Variants in ZBED6 observed in about 807,000 individuals in gnomAD.
ZBED6 encodes the protein zinc finger BED domain-containing protein 6.
In ZBED6, 40 loss-of-function variants were observed where a neutral mutation model predicts 58.4. That is an observed-to-expected ratio of 0.68 (90% CI 0.53 to 0.89). ZBED6 has a LOEUF of 0.89. Among genes scored for constraint, ZBED6 ranks in the 40% least tolerant of loss-of-function variants. The pLI, the probability that ZBED6 is intolerant of heterozygous loss-of-function variation, is 0.00. For synonymous variants in ZBED6, 439 were observed against 350.6 expected (o/e 1.25, Z -2.82); for missense variants, 1,057 against 1,003.9 (o/e 1.05, Z -0.71).
At chr1:203,815,630 C>T (rs1318561963) in intron 1 of ZBED6, among the ~76,000 whole-genome samples, 2 of 152,108 alleles carry the variant, frequency 1.3e-5, no homozygotes, top group Non-Finnish European at 2.9e-5. Flanking sequence ...GGTATGTAAA[C>T]TTTAAACATT....
At chr1:203,796,161 T>C in exon 1 of ZBED6, 1 of 314,970 alleles carries the variant, frequency 3.2e-6, no homozygotes, top group Non-Finnish European at 5.8e-6. Context: ...TTCCCCCGAA[T>C]CCCGAAGAGA....
chr1:203,805,491 TAGAAG>T, intron 1 of ZBED6: 5 of 428,380 alleles, frequency 1.2e-5, no homozygotes, highest in Non-Finnish European at 2.3e-5. Context: ...AGGAAAAAAA[TAGAAG>T]AGCAATGTAA....
rs1287424232 is a variant in ZBED6, at chr1:203,797,769, A to G, written c.247A>G (p.Lys83Glu). ...GCGTCGAAAAAAATTGATTCTTGCC[A>G]AAAAGTTTAGTAAGGATTTGGGATC... Residue 83 changes from lysine (K) to glutamate (E), a missense_variant, in exon 1 of 17, where the codon AAA becomes GAA. By Grantham distance (56) the Lys-to-Glu change is moderately conservative (BLOSUM62 1). Transcript: ENST00000550078. 12 of 1,535,678 alleles carry G rather than the reference A, an allele frequency of 7.8e-6. No individual in the cohort carries two copies. Among genetic ancestry groups the G allele is most frequent in the African/African-American group, 4.1e-5 (3 of 73,048 alleles).
At chr1:203,819,119 CGTGTATATAT>C (rs1677436650) in intron 3 of ZBED6, among the ~76,000 whole-genome samples, 2 of 141,064 alleles carry the variant, frequency 1.4e-5, no homozygotes, top group African/African-American at 5.5e-5. Context: ...CACACACACA[CGTGTATATAT>C]ACATATGTAT....
At chr1:203,820,217 A>G (rs1678059989) in intron 3 of ZBED6, among the ~76,000 whole-genome samples, 1 of 150,724 alleles carries the variant, frequency 6.6e-6, no homozygotes, top group Non-Finnish European at 1.5e-5. Flanking sequence ...CCTGGGTGAC[A>G]GGGCGAGACT....
intron 1 of ZBED6, among the ~76,000 whole-genome samples, chr1:203,811,247 G>A (rs926204292): frequency 1.4e-4 from 21 of 152,122 alleles, no homozygotes; most frequent in African/African-American, 4.6e-4. Flanking sequence ...GGTGGAGGTT[G>A]CAGTCAGCTG....
intron 16 of ZBED6, 114 bp downstream of exon 16, chr1:203,851,238 T>C: frequency 1.1e-6 from 1 of 909,228 alleles, no homozygotes; most frequent in East Asian, 2.6e-5. Flanking sequence ...TCTGTTGCAC[T>C]TCAAATTAAT....
exon 1 of ZBED6, chr1:203,801,155 T>C (rs1025263089): frequency 3.9e-5 from 6 of 152,302 alleles, no homozygotes; most frequent in African/African-American, 1.2e-4. Context: ...TTTCAAATAA[T>C]TTATGGGTAA....
At chr1:203,848,521 C>T in intron 13 of ZBED6, 114 bp downstream of exon 13, 1 of 720,150 alleles carries the variant, frequency 1.4e-6, no homozygotes, top group South Asian at 2.0e-5. Context: ...GGTAAACAGT[C>T]TTTCTTTTTA....
exon 1 of ZBED6, chr1:203,798,948 C>G (rs1449858384): frequency 6.5e-7 from 1 of 1,536,040 alleles, no homozygotes; most frequent in Admixed American, 2.0e-5. Context: ...AGAGAATGTT[C>G]AAAGCCAAAA....
intron 3 of ZBED6, 32 bp from the exon 4 acceptor site, chr1:203,828,267 A>G: frequency 6.2e-7 from 1 of 1,613,280 alleles, no homozygotes; most frequent in Non-Finnish European, 8.5e-7. Flanking sequence ...TCACTGTTTT[A>G]TTTGAAAGCA....
chr1:203,797,348 G>A (rs1668886477), exon 1 of ZBED6: 1 of 571,864 alleles, frequency 1.7e-6, no homozygotes, highest in Non-Finnish European at 2.9e-6. Context: ...GTTCTCCATT[G>A]CTGTCAGTTT....
chr1:203,826,326 C>T (rs1185039700), intron 3 of ZBED6, among the ~76,000 whole-genome samples: 2 of 150,902 alleles, frequency 1.3e-5, no homozygotes, highest in Non-Finnish European at 3.0e-5. Flanking sequence ...AAATATTATA[C>T]TTTTAGAAAA....
intron 11 of ZBED6, among the ~76,000 whole-genome samples, chr1:203,844,051 T>G (rs961000620): frequency 4.6e-5 from 7 of 152,260 alleles, no homozygotes; most frequent in Admixed American, 3.9e-4. Flanking sequence ...GAAACGGGGC[T>G]TCTCCATGTT....
At chr1:203,818,773 T>TA in intron 3 of ZBED6, 84 bp downstream of exon 3, 1 of 1,595,936 alleles carries the variant, frequency 6.3e-7, no homozygotes, top group Admixed American at 1.7e-5. Context: ...AAGTGACTTT[T>TA]AAAAAATATA....
chr1:203,836,699 C>A (rs1376654238), intron 9 of ZBED6, among the ~76,000 whole-genome samples: 1 of 152,182 alleles, frequency 6.6e-6, no homozygotes, highest in Non-Finnish European at 1.5e-5. Context: ...TCGCTTGAAC[C>A]CGGGAGGTGG....
At chr1:203,852,111 A>T in intron 16 of ZBED6, 30 bp from the exon 17 acceptor site, 1 of 1,611,846 alleles carries the variant, frequency 6.2e-7, no homozygotes, top group Non-Finnish European at 8.5e-7. Context: ...TTAAAACGGC[A>T]GTTTTCTAAT....
At chr1:203,820,974 T>A (rs999731501) in intron 3 of ZBED6, among the ~76,000 whole-genome samples, 1 of 152,146 alleles carries the variant, frequency 6.6e-6, no homozygotes, top group Non-Finnish European at 1.5e-5. Flanking sequence ...AGACTTCAAC[T>A]TTTTCCCCGT....
At chr1:203,821,711 T>C (rs934097255) in intron 3 of ZBED6, among the ~76,000 whole-genome samples, 2 of 152,328 alleles carry the variant, frequency 1.3e-5, no homozygotes, top group Admixed American at 1.3e-4. Flanking sequence ...CTGAGGAATA[T>C]ATAAATGTAT....
Sources: gnomAD v4.1 joint callset for allele counts (sites outside exome capture counted in the v4.1 genomes callset) on GRCh38, gnomAD v4.1.1 for gene constraint, MANE v1.5 for transcripts, NCBI Gene and HGNC (gene_info 2026-07-23, HGNC 2026-07-21) for gene names.